The following PANX1 variants were observed in gnomAD, a reference collection of about 807,000 sequenced individuals.
PANX1 encodes the protein pannexin-1.
A neutral mutation model predicts 38.7 loss-of-function variants in PANX1; 30 were observed. That is an observed-to-expected ratio of 0.78 (90% CI 0.58 to 1.05). The LOEUF is 1.05. Ranked by LOEUF, PANX1 falls within the 50% of genes least tolerant of loss-of-function variation. The probability of loss-of-function intolerance (pLI) is 0.00; values close to 1 mark genes in which losing one functional copy is unlikely to be tolerated. For missense variants in PANX1, 551 were observed against 517.2 expected, an observed-to-expected ratio of 1.07 and a Z score of -0.63; for synonymous variants, 230 against 212.2, an observed-to-expected ratio of 1.08 and a Z score of -0.73.
chr11:94,138,642 G>A (rs954687957), intron 1 of PANX1, among the ~76,000 whole-genome samples: 22 of 152,036 alleles, frequency 1.4e-4, no homozygotes, highest in African/African-American at 4.3e-4. Context: ...TTTATCCTTC[G>A]TTACAAACAA....
At chr11:94,151,273 A>G (rs1946879910) in intron 1 of PANX1, among the ~76,000 whole-genome samples, 1 of 152,100 alleles carries the variant, frequency 6.6e-6, no homozygotes, top group Non-Finnish European at 1.5e-5. Context: ...CTTTAGTATA[A>G]AAAGTGTAGT....
intron 1 of PANX1, among the ~76,000 whole-genome samples, chr11:94,138,674 A>G (rs1244357205): frequency 6.6e-6 from 1 of 152,154 alleles, no homozygotes; most frequent in Non-Finnish European, 1.5e-5. Flanking sequence ...TCTTTCAGTT[A>G]TCTTAAAATG....
chr11:94,151,611 G>T (rs1308881294), intron 1 of PANX1, among the ~76,000 whole-genome samples: 1 of 152,192 alleles, frequency 6.6e-6, no homozygotes, highest in Non-Finnish European at 1.5e-5. Flanking sequence ...TTGGTAGGTG[G>T]TTGGCTTAGG....
chr11:94,130,389 G>T (rs75173659), intron 1 of PANX1, among the ~76,000 whole-genome samples: 1 of 152,198 alleles, frequency 6.6e-6, no homozygotes, highest in South Asian at 2.1e-4. Context: ...TATGTTCCTG[G>T]AAAGAGAGAC....
At chr11:94,160,542 T>C (rs1463588455) in intron 2 of PANX1, among the ~76,000 whole-genome samples, 1 of 152,212 alleles carries the variant, frequency 6.6e-6, no homozygotes, top group Non-Finnish European at 1.5e-5. Context: ...AGACTAGGAT[T>C]GCAACCCCTG....
chr11:94,154,456 T>G (rs963645827), intron 2 of PANX1, among the ~76,000 whole-genome samples: 2 of 152,242 alleles, frequency 1.3e-5, no homozygotes, highest in African/African-American at 2.4e-5. Context: ...AACCACTGTT[T>G]CTTTTGTCCA....
intron 2 of PANX1, among the ~76,000 whole-genome samples, 183 bp from the exon 3 acceptor site, chr11:94,178,186 T>C (rs1402063763): frequency 6.6e-6 from 1 of 152,184 alleles, no homozygotes; most frequent in Admixed American, 6.5e-5. Context: ...AATAGGTAGT[T>C]ACCTGTGACA....
intron 2 of PANX1, among the ~76,000 whole-genome samples, chr11:94,176,848 G>C (rs1482482574): frequency 2.0e-5 from 3 of 151,650 alleles, no homozygotes; most frequent in Non-Finnish European, 4.4e-5. Flanking sequence ...CCAGCTTTGT[G>C]ATCTGGGGCC....
chr11:94,160,166 A>G (rs1947007128), intron 2 of PANX1, among the ~76,000 whole-genome samples: 2 of 152,124 alleles, frequency 1.3e-5, no homozygotes, highest in Non-Finnish European at 1.5e-5. Flanking sequence ...CAATTTTGGA[A>G]TAAGTGCAGT....
intron 1 of PANX1, among the ~76,000 whole-genome samples, chr11:94,136,585 GGTGAAACCCT>G (rs1409776465): frequency 1.3e-5 from 2 of 151,564 alleles, no homozygotes; most frequent in Non-Finnish European, 2.9e-5. Flanking sequence ...TCGAGACCAC[GGTGAAACCCT>G]GTCTCTACTA....
intron 1 of PANX1, among the ~76,000 whole-genome samples, chr11:94,147,038 A>G (rs1158634541): frequency 2.0e-5 from 3 of 152,190 alleles, no homozygotes; most frequent in Non-Finnish European, 4.4e-5. Context: ...ATATATGCAT[A>G]GAGAGAGAGG....
intron 3 of PANX1, 106 bp from the exon 4 acceptor site, chr11:94,179,496 T>G: frequency 1.4e-6 from 1 of 723,954 alleles, no homozygotes; most frequent in East Asian, 2.7e-5. Context: ...TAAAGAAGTA[T>G]GGGTGTTTGA....
Position 94,129,514 on chromosome 11 carries a change from AG to A in PANX1, c.181+25del, listed in dbSNP as rs758633405. On this transcript the variant is annotated intron_variant, in intron 1 of 4. Coordinates refer to ENST00000227638, the MANE Select transcript of PANX1 (RefSeq NM_015368.4). ...GATTGGTAAGCCTCGCCCAGGACGGAGGGGAGTGGCCGCCCCGGTCTGGCCC... is the reference window on the plus strand; with the variant it reads ...GATTGGTAAGCCTCGCCCAGGACGGAGGGAGTGGCCGCCCCGGTCTGGCCC... 5 of 1,588,862 alleles carry A rather than the reference AG, an allele frequency of 3.1e-6. No homozygotes were observed. The South Asian group carries it at 5.6e-5, about 18-fold the overall frequency.
intron 2 of PANX1, among the ~76,000 whole-genome samples, chr11:94,176,209 T>C (rs1026891935): frequency 6.6e-5 from 10 of 151,680 alleles, no homozygotes; most frequent in Admixed American, 6.6e-5. Flanking sequence ...TAGATCCTAA[T>C]TTAAGTATGA....
intron 2 of PANX1, among the ~76,000 whole-genome samples, chr11:94,174,804 G>T (rs375146402): frequency 6.6e-6 from 1 of 151,718 alleles, no homozygotes; most frequent in South Asian, 2.1e-4. Context: ...CTTTGCCTTC[G>T]ATGAGGTAGA....
At position 94,132,655 on chromosome 11, in the gene PANX1, T is replaced by C. The variant is rs745476300; in HGVS notation, c.181+3162T>C. On this transcript the variant is annotated intron_variant, in intron 1 of 4. Coordinates refer to ENST00000227638, the MANE Select transcript of PANX1 (RefSeq NM_015368.4). ...GAGAAAATCAGCTGTAATTACATGTTTTTCCTTTTTCCACCTGTATGATAA... is the reference window on the plus strand; with the variant it reads ...GAGAAAATCAGCTGTAATTACATGTCTTTCCTTTTTCCACCTGTATGATAA... Among the ~76,000 whole-genome samples, 10 of 152,222 alleles carry C rather than the reference T, an allele frequency of 6.6e-5. 1 individual carries two copies. The highest frequency in any genetic ancestry group is 6.8e-3 in the Middle Eastern group (2 of 294).
intron 1 of PANX1, among the ~76,000 whole-genome samples, chr11:94,143,783 A>G (rs530581080): frequency 2.5e-4 from 38 of 149,310 alleles, no homozygotes; most frequent in Middle Eastern, 3.5e-3. Context: ...GTGTCTCTCT[A>G]TATTGCCCAG....
intron 2 of PANX1, among the ~76,000 whole-genome samples, chr11:94,162,654 C>T (rs1046208741): frequency 4.6e-5 from 7 of 152,172 alleles, no homozygotes; most frequent in Non-Finnish European, 1.0e-4. Context: ...TTTCCTGACC[C>T]CTTGCGCTTC....
At chr11:94,160,719 A>T (rs184926301) in intron 2 of PANX1, among the ~76,000 whole-genome samples, 88 of 152,288 alleles carry the variant, frequency 5.8e-4, no homozygotes, top group Non-Finnish European at 9.3e-4. Flanking sequence ...CATTTAGCCC[A>T]TTTACATTTA....
Sources: allele counts gnomAD v4.1 joint callset (sites outside exome capture counted in the v4.1 genomes callset), GRCh38; gene constraint gnomAD v4.1.1; transcripts MANE v1.5; gene names NCBI Gene and HGNC (gene_info 2026-07-23, HGNC 2026-07-21).